Variants in HAL observed in about 807,000 individuals in gnomAD.
The protein encoded by HAL is histidine ammonia-lyase, also known as histidase.
HAL carries 85 observed loss-of-function variants against 81.1 expected under a neutral mutation model. That is an observed-to-expected ratio of 1.05 (90% CI 0.88 to 1.25). The LOEUF (loss-of-function observed/expected upper bound fraction) is 1.25, where lower values mean the gene tolerates loss of function less well. Ranked by LOEUF, HAL falls within the 50% of genes most tolerant of loss-of-function variation. HAL has a pLI of 0.00. For synonymous variants in HAL, 301 were observed against 309.2 expected, an observed-to-expected ratio of 0.97 and a Z score of 0.28; for missense variants, 798 against 836.6, an observed-to-expected ratio of 0.95 and a Z score of 0.57.
intron 9 of HAL, among the ~76,000 whole-genome samples, chr12:95,990,983 G>A (rs1949963215): frequency 6.6e-6 from 1 of 152,158 alleles, no homozygotes; most frequent in South Asian, 2.1e-4. Context: ...GGTGGTGCAT[G>A]CCTGTAGTCC....
chr12:95,981,127 A>G (rs1032336187), intron 15 of HAL, among the ~76,000 whole-genome samples: 1 of 152,240 alleles, frequency 6.6e-6, no homozygotes, highest in Non-Finnish European at 1.5e-5. Flanking sequence ...TAGATTCTAA[A>G]GCACCATAAC....
At chr12:95,990,995 AACT>A (rs879569665) in intron 9 of HAL, among the ~76,000 whole-genome samples, 2 of 152,190 alleles carry the variant, frequency 1.3e-5, no homozygotes, top group Non-Finnish European at 2.9e-5. Context: ...CTGTAGTCCC[AACT>A]ACTGGGAAGG....
At chr12:95,995,591 G>T (rs772925554) in intron 2 of HAL, 73 bp downstream of exon 2, 1 of 1,590,080 alleles carries the variant, frequency 6.3e-7, no homozygotes, top group African/African-American at 1.3e-5. Flanking sequence ...TCCCTGAGGT[G>T]GGGGTTCAAT....
intron 17 of HAL, among the ~76,000 whole-genome samples, chr12:95,980,091 A>G (rs775317605): frequency 1.2e-4 from 19 of 152,230 alleles, no homozygotes; most frequent in Non-Finnish European, 2.5e-4. Flanking sequence ...TTAATGTTGC[A>G]ATAACATCTT....
intron 14 of HAL, 40 bp downstream of exon 14, chr12:95,985,868 T>C (rs1163938741): frequency 2.1e-6 from 3 of 1,395,974 alleles, no homozygotes; most frequent in African/African-American, 2.8e-5. Context: ...AAAACTTTAT[T>C]GGCATTTTTT....
At position 95,974,418 on chromosome 12, in the gene HAL, T is replaced by C. The variant is rs749996094; in HGVS notation, c.1834-46A>G. 8 of 1,573,750 alleles carry C rather than the reference T, an allele frequency of 5.1e-6. No individual in the cohort carries two copies. The South Asian group carries it at 7.8e-5, about 15-fold the overall frequency. On this transcript the variant is annotated intron_variant, in intron 20 of 20. Coordinates refer to ENST00000261208, the MANE Select transcript of HAL (RefSeq NM_002108.4). ...AAAGTTGAAATATTGACGACATTGT[T>C]TCCACATGCTATTAAACATCAACTT...
In HAL at chr12:95,980,539, AG is replaced by A. The variant is rs2080777736; in HGVS notation, c.1519+16del. 3.1e-6 allele frequency: 5 copies of A among 1,611,134 alleles called. No homozygotes were observed. The highest frequency in any genetic ancestry group is 4.2e-6 in the Non-Finnish European group (5 of 1,178,612). On this transcript the variant is annotated intron_variant, in intron 17 of 20. Transcript: ENST00000261208. ...GATGGACGGGCGTGTGTTCTGGGAA[AG>A]GGGCAGTGTCCTTACCAAGGGCTGC...
At chr12:95,982,304 A>G (rs1406901153) in intron 15 of HAL, among the ~76,000 whole-genome samples, 1 of 152,248 alleles carries the variant, frequency 6.6e-6, no homozygotes, top group Non-Finnish European at 1.5e-5. Context: ...AATAATTAGC[A>G]ATCTTTAATT....
rs377080079 is a variant in HAL at position 95,993,950 on chromosome 12, C to G, written c.460G>C (p.Asp154His). 3 of 1,607,192 alleles carry G rather than the reference C, an allele frequency of 1.9e-6. No individual in the cohort carries two copies. In the South Asian group the frequency reaches 3.3e-5, roughly 18 times the overall value. Residue 154 changes from aspartate to histidine, a missense_variant, in exon 6 of 21, where the codon GAT (aspartate) becomes CAT (histidine). By Grantham distance (81) the Asp-to-His change is moderately conservative. Transcript: ENST00000261208. Reference protein sequence around the residue: ...KRVQKSREVIDSIIKEKTVVY... With the variant: ...KRVQKSREVIHSIIKEKTVVY... ...CCTGTTTTCTCTTTTATGATGCTAT[C>G]TATGACCTCCCTGGATTTCTGCACC... is the stretch of plus-strand genomic sequence containing the variant.
rs150413568 is a variant in HAL at position 95,988,977 on chromosome 12, T to C, written c.856-737A>G. Among the ~76,000 whole-genome samples, 739 of 152,218 alleles carry C rather than the reference T, an allele frequency of 4.9e-3. 6 individuals are homozygous for C. Among genetic ancestry groups the C allele is most frequent in the African/African-American group, 0.017 (695 of 41,544 alleles). On this transcript the variant is annotated intron_variant, in intron 10 of 20. Transcript: ENST00000261208. ...TAGAGGCTGGATTCTGTTCTGGGTG[T>C]TGGGGTCGGTCTAGGAGTAGGCAAA...
chr12:95,978,018 G>C lies in HAL; in HGVS notation c.1580C>G (p.Ala527Gly). ...TCCCATGGAGACGTGGTCCTCCGTGGCTGCGCTGGTGGAGAGGGAGTCAAC... is the reference window on the plus strand; with the variant it reads ...TCCCATGGAGACGTGGTCCTCCGTGCCTGCGCTGGTGGAGAGGGAGTCAAC... ...SSVDSLSTSA[A>G]TEDHVSMGGW... The change falls in exon 18 of 21, where the codon GCC becomes GGC. Residue 527 changes from alanine to glycine, a missense_variant. Transcript: ENST00000261208. 1 of 1,613,586 alleles carries C rather than the reference G, an allele frequency of 6.2e-7. No individual in the cohort carries two copies. The highest frequency in any genetic ancestry group is 8.5e-7 in the Non-Finnish European group (1 of 1,179,458).
At chr12:95,993,608 G>C (rs1418423385) in intron 7 of HAL, 120 bp from the exon 8 acceptor site, 6 of 872,254 alleles carry the variant, frequency 6.9e-6, no homozygotes, top group Non-Finnish European at 1.2e-5. Context: ...GGCAATGGGA[G>C]AAACCAGCCA....
At chr12:95,976,171 T>C in intron 20 of HAL, 2 of 505,574 alleles carry the variant, frequency 4.0e-6, no homozygotes, top group Admixed American at 6.4e-5. Flanking sequence ...TTTTTCCCCA[T>C]GAATATTGTC....
At position 95,976,688 on chromosome 12, in the gene HAL, AGG is replaced by A; in HGVS notation, c.1671_1672del (p.Leu558CysfsTer23). On this transcript the variant is annotated frameshift_variant, in exon 19 of 21. Coordinates refer to ENST00000261208, the MANE Select transcript of HAL (RefSeq NM_002108.4). LOFTEE classifies it high-confidence loss of function. ...AAACTCTATGCCCTGGCAGGCTGCA[AGG>A]AGCTCGATGGCCAGCACTGAAACAA... The A allele has an allele frequency of 6.2e-7, 1 of 1,610,388 alleles. No homozygotes were observed. The highest frequency in any genetic ancestry group is 1.1e-5 in the South Asian group (1 of 91,010).
In HAL at chr12:95,993,786, A is replaced by G; in HGVS notation, c.537T>C (p.Pro179=). The G allele has an allele frequency of 1.9e-6, 3 of 1,549,442 alleles. No individual in the cohort carries two copies. The highest frequency in any genetic ancestry group is 1.4e-5 in the African/African-American group (1 of 73,730). ...TTTAAACTTACTGTAGCTTATTGAT[A>G]GGAATTACAGTTCTGGCAAATTTCC... The part of the protein sequence containing the change: ...GFGKFARTVI[P]INKLQELQVN... The change falls in exon 7 of 21, where the codon CCT becomes CCC. Residue 179 remains proline (P), a synonymous_variant. Transcript: ENST00000261208.
At chr12:95,990,568 A>G (rs769118419) in intron 9 of HAL, 36 bp from the exon 10 acceptor site, 56 of 1,582,880 alleles carry the variant, frequency 3.5e-5, no homozygotes, top group Non-Finnish European at 4.8e-5. Context: ...GTTCAAGAGT[A>G]CTGCATTCTG....
In HAL at chr12:95,994,157, T is replaced by C. The variant is rs1950005245; in HGVS notation, c.344A>G (p.Glu115Gly). ...CGTGGTCAGACGGTCTCCATCTAAC[T>C]CGATGTACTACACAAAAGAAGGGGA... ...SKYREPEKYIELDGDRLTTED... is the reference protein window; with the variant it reads ...SKYREPEKYIGLDGDRLTTED... The change falls in exon 5 of 21, where the codon GAG becomes GGG. Residue 115 changes from glutamate to glycine, a missense_variant. Physicochemically the swap from Glu to Gly is moderately conservative, Grantham distance 98 (BLOSUM62 -2). Transcript: ENST00000261208. The C allele has an allele frequency of 6.2e-7, 1 of 1,610,354 alleles. No homozygotes were observed. The highest frequency in any genetic ancestry group is 1.3e-5 in the African/African-American group (1 of 74,842).
Position 95,992,696 on chromosome 12 carries a change from G to A in HAL, c.699C>T (p.Val233=). Residue 233 remains valine, a synonymous_variant, in exon 9 of 21, where the codon GTC becomes GTT. Transcript: ENST00000261208. ...SGISLETLKQ[V]IEMFNASCLP... ...TTGCATTACCATTAAACATTTCTAT[G>A]ACTTGTTTGAGGGTCTCCAGGGAAA... 6.2e-7 allele frequency: 1 copy of A among 1,612,490 alleles called. No individual in the cohort carries two copies. Among genetic ancestry groups the A allele is most frequent in the African/African-American group, 1.3e-5 (1 of 75,000 alleles).
Position 95,994,435 on chromosome 12 carries a change from G to C in HAL, c.337-271C>G, listed in dbSNP as rs191364820. On this transcript the variant is annotated intron_variant, in intron 4 of 20. Transcript: ENST00000261208. ...TTTTGAGGCAGAGTCTCCAGCCCAG[G>C]CTGGAGTGCAGTGGTACAAACATGG... Among the ~76,000 whole-genome samples, 228 of 152,308 alleles carry C rather than the reference G, an allele frequency of 1.5e-3. 1 individual carries two copies. Among genetic ancestry groups the C allele is most frequent in the East Asian group, 0.014 (72 of 5,174 alleles).
Sources: allele counts gnomAD v4.1 joint callset (sites outside exome capture counted in the v4.1 genomes callset), GRCh38; gene constraint gnomAD v4.1.1; transcripts MANE v1.5; gene names NCBI Gene and HGNC (gene_info 2026-07-23, HGNC 2026-07-21).